RIC3: variants seen among roughly 807,000 people sequenced by gnomAD.
RIC3 encodes RIC3 acetylcholine receptor chaperone.
A neutral mutation model predicts 27.3 loss-of-function variants in RIC3; 28 were observed. The ratio of observed to expected loss-of-function variants is 1.02; its 90% CI spans 0.76 to 1.41. RIC3 has a LOEUF of 1.41. RIC3 is among the 40% of genes most tolerant of loss of function. The probability of loss-of-function intolerance (pLI) is 0.00; values close to 1 mark genes in which losing one functional copy is unlikely to be tolerated. For missense variants in RIC3, 501 were observed against 444.7 expected, an observed-to-expected ratio of 1.13 and a Z score of -1.14; for synonymous variants, 184 against 160.4, an observed-to-expected ratio of 1.15 and a Z score of -1.11.
chr11:8,166,688 A>C (rs1194708161), intron 1 of RIC3, among the ~76,000 whole-genome samples: 26 of 152,148 alleles, frequency 1.7e-4, no homozygotes, highest in Non-Finnish European at 2.8e-4. Flanking sequence ...TGGACAATAC[A>C]ATGAGACCCC....
At chr11:8,114,321 C>T (rs1449985170) in intron 5 of RIC3, among the ~76,000 whole-genome samples, 6 of 151,962 alleles carry the variant, frequency 3.9e-5, no homozygotes, top group Admixed American at 6.6e-5. Context: ...AATGAAGATA[C>T]GGCCGGGCGT....
At chr11:8,134,042 A>G (rs1948066056) in intron 4 of RIC3, among the ~76,000 whole-genome samples, 1 of 151,618 alleles carries the variant, frequency 6.6e-6, no homozygotes, top group Non-Finnish European at 1.5e-5. Flanking sequence ...CATGTGCACA[A>G]TGTGCTGGTT....
chr11:8,156,709 T>C lies in RIC3; in HGVS notation c.124+12157A>G, dbSNP rs151013760. ...TTGCTTTCCTCTCCAACTCCACATA[T>C]CTAAATCCAGCCAATCCTCCAAGGC... On this transcript the variant is annotated intron_variant, in intron 1 of 5. Coordinates refer to ENST00000309737, the MANE Select transcript of RIC3 (RefSeq NM_001206671.4). 6.4e-3 allele frequency among the ~76,000 whole-genome samples: 967 copies of C among 152,228 alleles called. 21 individuals carry two copies. Among genetic ancestry groups the C allele is most frequent in the Admixed American group, 0.051 (777 of 15,282 alleles).
chr11:8,151,370 G>A (rs187772366), intron 1 of RIC3, among the ~76,000 whole-genome samples: 163 of 151,538 alleles, frequency 1.1e-3, no homozygotes, highest in African/African-American at 3.7e-3. Context: ...GGCGGATCAC[G>A]AGGTCAGGAG....
intron 4 of RIC3, among the ~76,000 whole-genome samples, chr11:8,136,912 T>C (rs1039524852): frequency 6.6e-6 from 1 of 152,100 alleles, no homozygotes; most frequent in African/African-American, 2.4e-5. Context: ...GAATGAAAAA[T>C]GTTAAATGAT....
chr11:8,167,362 T>A (rs1363621446), intron 1 of RIC3, among the ~76,000 whole-genome samples: 1 of 152,152 alleles, frequency 6.6e-6, no homozygotes, highest in Non-Finnish European at 1.5e-5. Flanking sequence ...AAGAGTTATT[T>A]TAGTTAGTGT....
At chr11:8,101,754 C>T, downstream of RIC3, 1 of 1,431,382 alleles carries the variant, frequency 7.0e-7, no homozygotes, top group Non-Finnish European at 9.2e-7. Context: ...GGCTCCCTGG[C>T]CCAGCCAGCC....
At chr11:8,139,061 T>C (rs1019829743) in intron 2 of RIC3, 2 of 152,314 alleles carry the variant, frequency 1.3e-5, no homozygotes, top group Admixed American at 6.5e-5. Flanking sequence ...ATGGCCTTGC[T>C]GAGGAAATTA....
chr11:8,116,666 A>C (rs940726065), intron 5 of RIC3, among the ~76,000 whole-genome samples: 2 of 152,244 alleles, frequency 1.3e-5, no homozygotes, highest in African/African-American at 2.4e-5. Context: ...GAAAGTGCTC[A>C]ACATCATTAA....
At chr11:8,137,498 C>T in intron 3 of RIC3, 27 bp from the exon 4 acceptor site, 1 of 1,592,096 alleles carries the variant, frequency 6.3e-7, no homozygotes, top group Non-Finnish European at 8.6e-7. Context: ...AATCTAAGAA[C>T]CATCAGAGAC....
At chr11:8,136,047 T>G (rs778096118) in intron 4 of RIC3, among the ~76,000 whole-genome samples, 27 of 152,184 alleles carry the variant, frequency 1.8e-4, no homozygotes, top group Non-Finnish European at 3.7e-4. Flanking sequence ...TTGGGGAACA[T>G]TCCAGATAGT....
intron 1 of RIC3, among the ~76,000 whole-genome samples, chr11:8,148,495 T>G (rs1446487356): frequency 1.3e-5 from 2 of 152,202 alleles, no homozygotes; most frequent in Admixed American, 6.5e-5. Context: ...TTGTGGAACT[T>G]CACCTTACTG....
intron 1 of RIC3, among the ~76,000 whole-genome samples, chr11:8,159,800 G>C (rs981642216): frequency 6.6e-6 from 1 of 152,108 alleles, no homozygotes; most frequent in African/African-American, 2.4e-5. Context: ...ATACCAGCCT[G>C]GCCAACATGG....
intron 1 of RIC3, among the ~76,000 whole-genome samples, chr11:8,163,940 G>T (rs1381274685): frequency 6.6e-6 from 1 of 151,860 alleles, no homozygotes; most frequent in African/African-American, 2.4e-5. Flanking sequence ...CACATTTCAC[G>T]ATTTCATAAC....
rs1396157935 is a variant in RIC3, at chr11:8,125,648, G to C, written c.670+1011C>G. Among the ~76,000 whole-genome samples the C allele has an allele frequency of 2.6e-5, 4 of 152,210 alleles. No homozygotes were observed. In the East Asian group the frequency reaches 7.7e-4, roughly 29 times the overall value. On this transcript the variant is annotated intron_variant, in intron 5 of 5. Transcript: ENST00000309737. ...ACTGACAAGACAAAGTGTTACCAAG[G>C]ATGTGGAGGAACTTTAATTGCCATA...
intron 5 of RIC3, among the ~76,000 whole-genome samples, chr11:8,118,813 G>A (rs915394942): frequency 6.6e-6 from 1 of 151,774 alleles, no homozygotes; most frequent in African/African-American, 2.4e-5. Flanking sequence ...GAAGGTTGCA[G>A]TGAGCTGAGA....
the RIC3 span, chr11:8,097,704 A>G: frequency 4.4e-5 from 70 of 1,608,240 alleles, no homozygotes; most frequent in African/African-American, 8.7e-4. Flanking sequence ...ACCTCATTCC[A>G]CTCCCCAAGG....
intron 1 of RIC3, among the ~76,000 whole-genome samples, chr11:8,148,260 T>C (rs1208120317): frequency 7.0e-6 from 1 of 143,398 alleles, no homozygotes; most frequent in African/African-American, 2.8e-5. Context: ...CTTTAGACAG[T>C]AAAAGGAAAT....
At chr11:8,116,424 T>C (rs1028797648) in intron 5 of RIC3, among the ~76,000 whole-genome samples, 3 of 151,826 alleles carry the variant, frequency 2.0e-5, no homozygotes, top group African/African-American at 7.3e-5. Context: ...AAAGTGAAAA[T>C]AGACAAATGG....
Sources: allele counts gnomAD v4.1 joint callset (sites outside exome capture counted in the v4.1 genomes callset), GRCh38; gene constraint gnomAD v4.1.1; transcripts MANE v1.5; gene names NCBI Gene and HGNC (gene_info 2026-07-23, HGNC 2026-07-21).